The following MANEA variants were observed in gnomAD, a reference collection of about 807,000 sequenced individuals.
MANEA encodes mannosidase endo-alpha.
A neutral mutation model predicts 36.8 loss-of-function variants in MANEA; 25 were observed. The observed-to-expected ratio is 0.68, with a 90% confidence interval of 0.50 to 0.95. The LOEUF is 0.95. Among genes scored for constraint, MANEA ranks in the 40% least tolerant of loss-of-function variants. MANEA has a pLI of 0.00. For missense variants in MANEA, 565 were observed against 558.8 expected (o/e 1.01, Z -0.11); for synonymous variants, 198 against 188.5 (o/e 1.05, Z -0.41).
At chr6:95,596,994 A>G (rs1212592917) in intron 3 of MANEA, 148 bp downstream of exon 3, 1 of 438,854 alleles carries the variant, frequency 2.3e-6, no homozygotes. Context: ...AAATTTCTAT[A>G]ATAGGAATTT....
intron 1 of MANEA, 95 bp from the exon 2 acceptor site, chr6:95,586,307 T>G: frequency 4.4e-6 from 3 of 679,300 alleles, no homozygotes; most frequent in Non-Finnish European, 7.5e-6. Flanking sequence ...AATTATTCAA[T>G]GTAATGAAAT....
chr6:95,604,608 G>A (rs974915926), intron 3 of MANEA, among the ~76,000 whole-genome samples: 3 of 151,948 alleles, frequency 2.0e-5, no homozygotes, highest in African/African-American at 7.2e-5. Context: ...ATACCTTAGG[G>A]AGTTGTGAAG....
At chr6:95,580,717 G>A (rs1469518820) in intron 1 of MANEA, among the ~76,000 whole-genome samples, 1 of 133,104 alleles carries the variant, frequency 7.5e-6, no homozygotes, top group Non-Finnish European at 1.6e-5. Context: ...AGAGTGAGAC[G>A]CCGTCTCAAA....
intron 3 of MANEA, among the ~76,000 whole-genome samples, chr6:95,600,794 A>C (rs1769574324): frequency 6.6e-6 from 1 of 152,204 alleles, no homozygotes; most frequent in Non-Finnish European, 1.5e-5. Flanking sequence ...TGGAAATACT[A>C]AATGGATGGA....
At chr6:95,584,522 G>A (rs527811968) in intron 1 of MANEA, among the ~76,000 whole-genome samples, 54 of 152,282 alleles carry the variant, frequency 3.5e-4, no homozygotes, top group African/African-American at 1.3e-3. Context: ...CTCTGCTCTC[G>A]AACCCTGTTT....
At chr6:95,580,489 G>T (rs937720152) in intron 1 of MANEA, among the ~76,000 whole-genome samples, 13 of 152,098 alleles carry the variant, frequency 8.5e-5, no homozygotes, top group Non-Finnish European at 1.5e-5. Flanking sequence ...ACTTTGGGAG[G>T]CAGAGGCGGG....
In MANEA at chr6:95,609,411, GTTAA is replaced by G. The variant is rs1289783569; in HGVS notation, c.*3009_*3012del. 6.6e-6 allele frequency: 1 copy of G among 151,456 alleles called. No individual in the cohort carries two copies. Among genetic ancestry groups the G allele is most frequent in the East Asian group, 1.9e-4 (1 of 5,178 alleles). The allele number at this position is 151,456 out of a possible 1,614,324, so 9.4% of individuals were successfully genotyped here. On this transcript the variant is annotated 3_prime_UTR_variant, in exon 5 of 5. Transcript: ENST00000358812. ...AATTACTATTTTGTTATATGGAATG[GTTAA>G]TTTTTACCTAATAAAAACATAGATG...
At chr6:95,584,198 A>G (rs1769236071) in intron 1 of MANEA, among the ~76,000 whole-genome samples, 1 of 152,214 alleles carries the variant, frequency 6.6e-6, no homozygotes, top group Admixed American at 6.5e-5. Flanking sequence ...GTGCACCTTG[A>G]AAAAGAACAG....
At chr6:95,590,377 G>C (rs1769365485) in intron 2 of MANEA, among the ~76,000 whole-genome samples, 1 of 152,116 alleles carries the variant, frequency 6.6e-6, no homozygotes, top group African/African-American at 2.4e-5. Flanking sequence ...AAATGAGCAA[G>C]TCACATTTCC....
At chr6:95,579,434 A>G (rs1331314664) in intron 1 of MANEA, among the ~76,000 whole-genome samples, 1 of 152,180 alleles carries the variant, frequency 6.6e-6, no homozygotes, top group Non-Finnish European at 1.5e-5. Context: ...TGTTAACCAG[A>G]GGGTACAAGT....
rs887240363 is a variant in MANEA at position 95,606,647 on chromosome 6, A to G, written c.*242A>G. The G allele has an allele frequency of 1.1e-4, 25 of 222,688 alleles. No homozygotes were observed. The highest frequency in any genetic ancestry group is 1.4e-3 in the Middle Eastern group (1 of 702). The allele number at this position is 222,688 out of a possible 1,614,324, so 13.8% of individuals were successfully genotyped here. On this transcript the variant is annotated 3_prime_UTR_variant, in exon 5 of 5. Transcript: ENST00000358812. Reference sequence around the variant, plus strand: ...TATGGCATAATTTATTGCATTTCTGACTGAAATCAAAATTCTGATTTGATG... The same window carrying G: ...TATGGCATAATTTATTGCATTTCTGGCTGAAATCAAAATTCTGATTTGATG...
chr6:95,596,659 G>A, intron 2 of MANEA, 78 bp from the exon 3 acceptor site: 2 of 755,282 alleles, frequency 2.6e-6, no homozygotes, highest in South Asian at 1.7e-5. Flanking sequence ...TTAACTCTTT[G>A]GTACTTACTG....
chr6:95,600,047 A>T (rs1048074675), intron 3 of MANEA, among the ~76,000 whole-genome samples: 3 of 152,210 alleles, frequency 2.0e-5, no homozygotes, highest in Admixed American at 2.0e-4. Context: ...CTATTTTAGT[A>T]CTTTCAGGAA....
intron 2 of MANEA, among the ~76,000 whole-genome samples, chr6:95,596,339 A>G (rs1769483243): frequency 6.6e-6 from 1 of 152,174 alleles, no homozygotes; most frequent in Admixed American, 6.5e-5. Flanking sequence ...GATGTAAACT[A>G]TGGACTTTAG....
chr6:95,590,462 A>G (rs1214545061), intron 2 of MANEA, among the ~76,000 whole-genome samples: 1 of 152,194 alleles, frequency 6.6e-6, no homozygotes, highest in Non-Finnish European at 1.5e-5. Flanking sequence ...TCCTGAAAGT[A>G]TGACATATTT....
rs1428537542 is a variant in MANEA at position 95,606,615 on chromosome 6, T to G, written c.*210T>G. ...ATCTGAGACAAAATGTATACAAATA[T>G]ATTCCTTATGGCATAATTTATTGCA... On this transcript the variant is annotated 3_prime_UTR_variant, in exon 5 of 5. Transcript: ENST00000358812. 1 of 282,680 alleles carries G rather than the reference T, an allele frequency of 3.5e-6. No homozygotes were observed. Among genetic ancestry groups the G allele is most frequent in the African/African-American group, 2.2e-5 (1 of 45,614 alleles). 17.5% of individuals were successfully genotyped at this position (282,680 alleles called of 1,614,324 possible).
chr6:95,586,429 A>G lies in MANEA; in HGVS notation c.-11A>G. 1 of 1,596,930 alleles carries G rather than the reference A, an allele frequency of 6.3e-7. No individual in the cohort carries two copies. Among genetic ancestry groups the G allele is most frequent in the Non-Finnish European group, 8.5e-7 (1 of 1,171,288 alleles). ...AAACACTTACTATTTTGGAGTTTAAAGTATGTCATCATGGCAAAGTTTCGG... is the reference window on the plus strand; with the variant it reads ...AAACACTTACTATTTTGGAGTTTAAGGTATGTCATCATGGCAAAGTTTCGG... On this transcript the variant is annotated 5_prime_UTR_variant, in exon 2 of 5. Transcript: ENST00000358812.
chr6:95,601,179 A>G (rs962298460), intron 3 of MANEA, among the ~76,000 whole-genome samples: 2 of 152,192 alleles, frequency 1.3e-5, no homozygotes, highest in African/African-American at 4.8e-5. Context: ...TATAACTGTC[A>G]TTTAGTAGGC....
intron 3 of MANEA, among the ~76,000 whole-genome samples, chr6:95,602,866 A>G (rs1439522266): frequency 6.7e-6 from 1 of 150,360 alleles, no homozygotes; most frequent in East Asian, 1.9e-4. Flanking sequence ...TAAAAATACA[A>G]AAAATTAGCC....
Sources: allele counts gnomAD v4.1 joint callset (sites outside exome capture counted in the v4.1 genomes callset), GRCh38; gene constraint gnomAD v4.1.1; transcripts MANE v1.5; gene names NCBI Gene and HGNC (gene_info 2026-07-23, HGNC 2026-07-21).